The following CARD8 variants were observed in gnomAD, a reference collection of about 807,000 sequenced individuals.
CARD8 encodes the protein caspase recruitment domain family member 8.
In CARD8, 38 loss-of-function variants were observed where a neutral mutation model predicts 53.2. The ratio of observed to expected loss-of-function variants is 0.71; its 90% CI spans 0.55 to 0.94. The LOEUF (loss-of-function observed/expected upper bound fraction) is 0.94, where lower values mean the gene tolerates loss of function less well. Ranked by LOEUF, CARD8 falls within the 40% of genes least tolerant of loss-of-function variation. The pLI is 0.00. For synonymous variants in CARD8, 245 were observed against 244.9 expected (o/e 1.00, Z 0.00); for missense variants, 561 against 655.5 (o/e 0.86, Z 1.57).
rs1056327385 is a variant in CARD8, at chr19:48,237,076, T to G, written c.209+1307A>C. 3.4e-4 allele frequency among the ~76,000 whole-genome samples: 51 copies of G among 152,020 alleles called. 1 individual carries two copies. The highest frequency in any genetic ancestry group is 1.2e-3 in the African/African-American group (50 of 41,406). ...CAGGAGTGAGACACCGCGCCTGGCC[T>G]GTATTGGGTCATTCTTGCATTGCTA... On this transcript the variant is annotated intron_variant, in intron 5 of 13. Transcript: ENST00000651546.
At chr19:48,205,044 A>G (rs2037291914), downstream of CARD8, among the ~76,000 whole-genome samples, 1 of 152,164 alleles carries the variant, frequency 6.6e-6, no homozygotes, top group Admixed American at 6.5e-5. Context: ...GTGTTTGTGA[A>G]GAGTGGGTTA....
At chr19:48,203,999 C>T, downstream of CARD8, 7 of 353,002 alleles carry the variant, frequency 2.0e-5, no homozygotes, top group South Asian at 1.2e-4. Flanking sequence ...CCCAGAGCTC[C>T]ATCTGAGCAT....
intron 11 of CARD8, 152 bp from the exon 12 acceptor site, chr19:48,219,164 A>G: frequency 1.5e-6 from 1 of 655,136 alleles, no homozygotes; most frequent in Non-Finnish European, 2.6e-6. Flanking sequence ...ACAGCTCTTT[A>G]CATTTACAAT....
Position 48,230,447 on chromosome 19 carries a change from C to G in CARD8, c.1026G>C (p.Leu342Phe), listed in dbSNP as rs2042629408. 6.2e-7 allele frequency: 1 copy of G among 1,604,036 alleles called. No homozygotes were observed. Among genetic ancestry groups the G allele is most frequent in the Non-Finnish European group, 8.5e-7 (1 of 1,174,120 alleles). ...AAATCACTCAGCTTACCTTTGTTAG[C>G]AAGGCGTCGCTGGGGACAAGGTACA... ...FHLYLVPSDA[L>F]LTKAIDDEED... is the part of the protein sequence containing the mutation. Residue 342 changes from leucine to phenylalanine, a missense_variant, in exon 10 of 14, where the codon TTG (leucine) becomes TTC (phenylalanine). Transcript: ENST00000651546.
At chr19:48,241,232 CA>C (rs1430370471) in intron 3 of CARD8, among the ~76,000 whole-genome samples, 169 bp from the exon 4 acceptor site, 1 of 152,044 alleles carries the variant, frequency 6.6e-6, no homozygotes, top group East Asian at 1.9e-4. Context: ...GAGGCCGAAA[CA>C]GGAGAGTTGT....
chr19:48,210,353 T>A lies in CARD8; in HGVS notation c.*1357A>T, dbSNP rs1421391466. On this transcript the variant is annotated 3_prime_UTR_variant, in exon 14 of 14. Coordinates refer to ENST00000651546, the MANE Select transcript of CARD8 (RefSeq NM_001184900.3). ...CTCTAAAAGAACTAAAAAACGTCTA[T>A]CAGAGGAAGTGGAAATTTGCAGAAC... 6.6e-6 allele frequency: 1 copy of A among 152,012 alleles called. No homozygotes were observed. The allele number at this position is 152,012 out of a possible 1,614,324, so 9.4% of individuals were successfully genotyped here. A position where few individuals can be genotyped will look rare whatever the true frequency, so the allele number is the denominator to read the frequency against.
chr19:48,229,185 G>A (rs1022968281), intron 10 of CARD8, among the ~76,000 whole-genome samples: 1 of 152,080 alleles, frequency 6.6e-6, no homozygotes, highest in Non-Finnish European at 1.5e-5. Flanking sequence ...AGGCTTCTTG[G>A]GTTTCAGAGG....
chr19:48,232,000 T>C (rs2042991469), intron 7 of CARD8, 190 bp from the exon 8 acceptor site: 1 of 685,554 alleles, frequency 1.5e-6, no homozygotes, highest in Non-Finnish European at 2.7e-6. Flanking sequence ...TTCCTTGTCA[T>C]GACTAAACGT....
At chr19:48,217,072 G>T (rs764477076) in intron 12 of CARD8, among the ~76,000 whole-genome samples, 12 of 151,912 alleles carry the variant, frequency 7.9e-5, no homozygotes, top group Non-Finnish European at 1.6e-4. Flanking sequence ...TTCACAATAG[G>T]GTTCGCGCTC....
intron 6 of CARD8, chr19:48,233,370 C>G (rs1157849304): frequency 2.2e-6 from 1 of 456,148 alleles, no homozygotes; most frequent in Non-Finnish European, 4.4e-6. Flanking sequence ...AGCAGAGAAA[C>G]TGACACGTGG....
chr19:48,207,107 G>A (rs1208077374), downstream of CARD8, among the ~76,000 whole-genome samples: 1 of 146,494 alleles, frequency 6.8e-6, no homozygotes, highest in Non-Finnish European at 1.5e-5. Context: ...GGCGGAGGTT[G>A]CAGTGGGCCG....
At chr19:48,245,791 TTATTG>T (rs1240922582) in intron 3 of CARD8, among the ~76,000 whole-genome samples, 4 of 148,532 alleles carry the variant, frequency 2.7e-5, no homozygotes, top group Non-Finnish European at 4.5e-5. Flanking sequence ...AATAACTAAT[TTATTG>T]TATTGTATAT....
chr19:48,211,530 T>C lies in CARD8; in HGVS notation c.*180A>G, dbSNP rs1462348148. 2 of 600,192 alleles carry C rather than the reference T, an allele frequency of 3.3e-6. 1 individual carries two copies. The allele number at this position is 600,192 out of a possible 1,614,324, so 37.2% of individuals were successfully genotyped here. ...CTTCTTCAGACATTCTTGAGGAAAATGCATGAGGATACAGTCAATAGGTAC... is the reference window on the plus strand; with the variant it reads ...CTTCTTCAGACATTCTTGAGGAAAACGCATGAGGATACAGTCAATAGGTAC... On this transcript the variant is annotated 3_prime_UTR_variant, in exon 14 of 14. Transcript: ENST00000651546.
At chr19:48,233,384 A>T (rs2043269685) in intron 6 of CARD8, 1 of 456,186 alleles carries the variant, frequency 2.2e-6, no homozygotes, top group South Asian at 1.5e-5. Context: ...CACGTGGATT[A>T]GGTTTAAAAA....
Position 48,230,802 on chromosome 19 carries a change from G to A in CARD8, c.747C>T (p.His249=). 2 of 1,614,172 alleles carry A rather than the reference G, an allele frequency of 1.2e-6. No individual in the cohort carries two copies. ...AEPEEAVAEI[H]LPHFISLQAG... The stretch of plus-strand genomic sequence containing the variant: ...CTTGGAGGGAGATGAAGTGGGGGAG[G>A]TGGATTTCGGCGACAGCCTCCTCTG... The change falls in exon 9 of 14, where the codon CAC becomes CAT. Residue 249 remains histidine (H), a synonymous_variant. Coordinates refer to ENST00000651546, the MANE Select transcript of CARD8 (RefSeq NM_001184900.3).
intron 10 of CARD8, chr19:48,223,731 T>C (rs920205458): frequency 3.9e-5 from 16 of 407,316 alleles, no homozygotes; most frequent in African/African-American, 3.3e-4. Context: ...CTGGATTAAT[T>C]TTCTTAACCT....
At chr19:48,232,516 T>G in intron 6 of CARD8, 23 bp from the exon 7 acceptor site, 1 of 1,532,460 alleles carries the variant, frequency 6.5e-7, no homozygotes, top group Non-Finnish European at 8.7e-7. Flanking sequence ...ATCCCCATGT[T>G]ACAAAAAGAT....
At chr19:48,240,595 C>T (rs576248734) in intron 4 of CARD8, among the ~76,000 whole-genome samples, 1 of 152,094 alleles carries the variant, frequency 6.6e-6, no homozygotes. Context: ...ATGATGAAAC[C>T]CCGTCTCTAC....
intron 11 of CARD8, among the ~76,000 whole-genome samples, chr19:48,219,341 T>C (rs989308820): frequency 7.2e-5 from 11 of 152,124 alleles, no homozygotes; most frequent in South Asian, 2.1e-4. Context: ...CGAGATTCTA[T>C]AGAGAAGCAA....
Sources: allele counts gnomAD v4.1 joint callset (sites outside exome capture counted in the v4.1 genomes callset), GRCh38; gene constraint gnomAD v4.1.1; transcripts MANE v1.5; gene names NCBI Gene and HGNC (gene_info 2026-07-23, HGNC 2026-07-21).